Variants in NAIP observed in about 807,000 individuals in gnomAD.
NAIP encodes NLR family apoptosis inhibitory protein, also known as baculoviral IAP repeat-containing protein 1.
NAIP carries 15 observed loss-of-function variants against 23.0 expected under a neutral mutation model. That is an observed-to-expected ratio of 0.65 (90% CI 0.44 to 1.00). The LOEUF (loss-of-function observed/expected upper bound fraction) is 1.00, where lower values mean the gene tolerates loss of function less well. NAIP is among the 50% of genes least tolerant of loss of function. The pLI, the probability that NAIP is intolerant of heterozygous loss-of-function variation, is 0.00. For synonymous variants in NAIP, 100 were observed against 100.2 expected (o/e 1.00, Z 0.01); for missense variants, 265 against 278.8 (o/e 0.95, Z 0.35).
At chr5:70,977,656 C>T (rs1389801154) in intron 13 of NAIP, among the ~76,000 whole-genome samples, 1 of 82,662 alleles carries the variant, frequency 1.2e-5, no homozygotes, top group South Asian at 5.2e-4. Context: ...CAGAGCAAGA[C>T]TGCATCTCCA....
At chr5:71,008,650 CA>C (rs1750989286) in intron 5 of NAIP, among the ~76,000 whole-genome samples, 1 of 51,684 alleles carries the variant, frequency 1.9e-5, no homozygotes, top group Non-Finnish European at 3.4e-5. Flanking sequence ...ACTAAAAATA[CA>C]AAAACTAGTC....
Position 70,979,584 on chromosome 5 carries a change from A to AAATAAT in NAIP, c.3442+279_3442+284dup, listed in dbSNP as rs781336414. Among the ~76,000 whole-genome samples the AAATAAT allele has an allele frequency of 9.3e-5, 4 of 42,822 alleles. 2 individuals are homozygous for AAATAAT. The highest frequency in any genetic ancestry group is 2.2e-4 in the African/African-American group (2 of 9,212). The allele number at this position is 42,822 out of a possible 152,430, so 28.1% of individuals were successfully genotyped here. ...CGGGAGACTGTCTCAAAAAAAAAAAAAATAATAATAATAATAATAATAATA... is the reference window on the plus strand; with the variant it reads ...CGGGAGACTGTCTCAAAAAAAAAAAAAATAATAATAATAATAATAATAATAATAATA... On this transcript the variant is annotated intron_variant, in intron 13 of 16. Coordinates refer to ENST00000517649, the MANE Select transcript of NAIP (RefSeq NM_004536.3).
intron 3 of NAIP, among the ~76,000 whole-genome samples, chr5:71,013,513 G>C (rs529949912): frequency 6.6e-6 from 1 of 150,556 alleles, no homozygotes; most frequent in Non-Finnish European, 1.5e-5. Context: ...GGTGGCGGGC[G>C]CCTGTAGTCC....
At chr5:71,014,476 A>G (rs1181010404) in intron 3 of NAIP, among the ~76,000 whole-genome samples, 1 of 151,618 alleles carries the variant, frequency 6.6e-6, no homozygotes, top group African/African-American at 2.4e-5. Flanking sequence ...GAATTTTACC[A>G]TTTATTCTAA....
At chr5:71,014,651 C>A (rs1218009820) in intron 3 of NAIP, among the ~76,000 whole-genome samples, 3 of 151,430 alleles carry the variant, frequency 2.0e-5, no homozygotes, top group Non-Finnish European at 4.4e-5. Flanking sequence ...GCCTGTAATC[C>A]CAGCACTTTG....
intron 4 of NAIP, chr5:71,011,624 G>A (rs1751164307): frequency 5.6e-6 from 3 of 537,012 alleles, no homozygotes; most frequent in Non-Finnish European, 1.0e-5. Context: ...GAGCTGGTAT[G>A]TTGCTCTTTG....
chr5:71,010,301 C>T (rs551424874), intron 5 of NAIP, among the ~76,000 whole-genome samples: 1 of 151,268 alleles, frequency 6.6e-6, no homozygotes, highest in South Asian at 2.1e-4. Context: ...CGGAGTCTCA[C>T]TCTGTCGCCC....
At position 71,013,349 on chromosome 5, in the gene NAIP, G is replaced by A. The variant is rs1028022427; in HGVS notation, c.-3-431C>T. Among the ~76,000 whole-genome samples, 2 of 151,220 alleles carry A rather than the reference G, an allele frequency of 1.3e-5. 1 individual carries two copies. Among genetic ancestry groups the A allele is most frequent in the Non-Finnish European group, 3.0e-5 (2 of 67,692 alleles). On this transcript the variant is annotated intron_variant, in intron 3 of 16. Transcript: ENST00000517649. ...ATTTTGTGTTCATGTTTTAAGTCTC[G>A]GTGCTCTGGCCGGGCGCGGTGGCTC...
chr5:71,013,503 G>A (rs996915719), intron 3 of NAIP, among the ~76,000 whole-genome samples: 1 of 150,736 alleles, frequency 6.6e-6, no homozygotes, highest in African/African-American at 2.4e-5. Flanking sequence ...AGCCGGGCGT[G>A]GTGGCGGGCG....
rs768820470 is a variant in NAIP, at chr5:71,011,256, G to C, written c.668+19C>G. Reference sequence around the variant, plus strand: ...AAAAAAAAAAGAAAGAAACATTTAAGCAAAAATTATCTACTTACTTGGGGA... The same window carrying C: ...AAAAAAAAAAGAAAGAAACATTTAACCAAAAATTATCTACTTACTTGGGGA... On this transcript the variant is annotated intron_variant, in intron 5 of 16. Coordinates refer to ENST00000517649, the MANE Select transcript of NAIP (RefSeq NM_004536.3). 3 of 1,549,782 alleles carry C rather than the reference G, an allele frequency of 1.9e-6. No individual in the cohort carries two copies. In the South Asian group the frequency reaches 3.6e-5, roughly 19 times the overall value.
At chr5:71,000,498 C>T (rs1157780613) in intron 8 of NAIP, among the ~76,000 whole-genome samples, 1 of 117,584 alleles carries the variant, frequency 8.5e-6, no homozygotes, top group Non-Finnish European at 1.6e-5. Flanking sequence ...GCTCCTCTTA[C>T]AGCTAGGTAT....
At chr5:71,014,601 A>G (rs1042797819) in intron 3 of NAIP, among the ~76,000 whole-genome samples, 5 of 151,704 alleles carry the variant, frequency 3.3e-5, no homozygotes, top group Non-Finnish European at 7.4e-5. Context: ...ATTATCATCA[A>G]TATAATAAGA....
At chr5:71,013,519 A>G (rs989163648) in intron 3 of NAIP, among the ~76,000 whole-genome samples, 1 of 150,630 alleles carries the variant, frequency 6.6e-6, no homozygotes, top group Non-Finnish European at 1.5e-5. Flanking sequence ...GGGCGCCTGT[A>G]GTCCCAGCTA....
intron 5 of NAIP, among the ~76,000 whole-genome samples, chr5:71,010,085 C>T (rs1751075201): frequency 6.6e-6 from 1 of 151,398 alleles, no homozygotes; most frequent in African/African-American, 2.4e-5. Context: ...CATTTTACAC[C>T]ACCCCTATGG....
intron 3 of NAIP, among the ~76,000 whole-genome samples, chr5:71,015,697 T>C (rs1751404846): frequency 8.6e-6 from 1 of 116,518 alleles, no homozygotes; most frequent in Non-Finnish European, 1.8e-5. Context: ...CTTACACCTA[T>C]AATCCCAGCA....
At chr5:70,980,576 A>G (rs1750508568) in intron 12 of NAIP, among the ~76,000 whole-genome samples, 1 of 40,764 alleles carries the variant, frequency 2.5e-5, no homozygotes, top group African/African-American at 7.9e-5. Flanking sequence ...AAAAAAAAAA[A>G]AAGAAGAGAA....
At chr5:71,015,039 CA>C (rs1561519792) in intron 3 of NAIP, among the ~76,000 whole-genome samples, 1 of 151,622 alleles carries the variant, frequency 6.6e-6, no homozygotes, top group Non-Finnish European at 1.5e-5. Context: ...CCTTTCCACA[CA>C]AATGCAAATT....
intron 4 of NAIP, chr5:71,011,767 C>CT (rs1751172017): frequency 4.5e-6 from 2 of 448,944 alleles, no homozygotes; most frequent in Non-Finnish European, 8.7e-6. Flanking sequence ...CTTAAAGTCT[C>CT]TGAGCCTCCA....
chr5:71,013,563 C>A (rs1282260097), intron 3 of NAIP, among the ~76,000 whole-genome samples: 1 of 150,200 alleles, frequency 6.7e-6, no homozygotes, highest in Non-Finnish European at 1.5e-5. Flanking sequence ...TGGCGTGAAC[C>A]CAGGAGGTGG....
Sources: allele counts gnomAD v4.1 joint callset (sites outside exome capture counted in the v4.1 genomes callset), GRCh38; gene constraint gnomAD v4.1.1; transcripts MANE v1.5; gene names NCBI Gene and HGNC (gene_info 2026-07-23, HGNC 2026-07-21).